The following PHF19 variants were observed in gnomAD, a reference collection of about 807,000 sequenced individuals.
PHF19 encodes PHD finger protein 19.
A neutral mutation model predicts 79.8 loss-of-function variants in PHF19; 21 were observed. The observed-to-expected ratio is 0.26, with a 90% confidence interval of 0.19 to 0.38. The LOEUF (loss-of-function observed/expected upper bound fraction) is 0.38, where lower values mean the gene tolerates loss of function less well. PHF19 is among the 10% of genes least tolerant of loss of function. PHF19 has a pLI of 1.00. For missense variants in PHF19, 445 were observed against 744.2 expected, an observed-to-expected ratio of 0.60 and a Z score of 4.68; for synonymous variants, 273 against 296.3, an observed-to-expected ratio of 0.92 and a Z score of 0.81.
upstream of PHF19, among the ~76,000 whole-genome samples, chr9:120,881,684 T>C (rs2046187559): frequency 6.6e-6 from 1 of 152,174 alleles, no homozygotes; most frequent in South Asian, 2.1e-4. Flanking sequence ...GTTTTGATGA[T>C]AGCATTGCTT....
Position 120,860,165 on chromosome 9 carries a change from A to G in PHF19, c.1325T>C (p.Phe442Ser). ...GTCGGTGGAGTCGACATCTGAGAAG[A>G]AGGTCTGGCCTGAGCTGGCACTGAG... The part of the protein sequence containing the change: ...SLKSASSGQT[F>S]FSDVDSTDAA... The change falls in exon 14 of 15, where the codon TTC becomes TCC. Residue 442 changes from phenylalanine (F) to serine (S), a missense_variant. Phe to Ser is a radical substitution (Grantham distance 155). Coordinates refer to ENST00000373896, the MANE Select transcript of PHF19 (RefSeq NM_015651.3). This position sits in a 1 kb window ranked among gnomAD's most constrained non-coding sequence, Gnocchi z 4.1. The G allele has an allele frequency of 6.3e-7, 1 of 1,594,410 alleles. No homozygotes were observed. Among genetic ancestry groups the G allele is most frequent in the African/African-American group, 1.3e-5 (1 of 74,698 alleles).
rs140114598 is a variant in PHF19 at position 120,859,902 on chromosome 9, A to G, written c.1400+188T>C. Among the ~76,000 whole-genome samples, 187 of 152,340 alleles carry G rather than the reference A, an allele frequency of 1.2e-3. 1 individual carries two copies. Among genetic ancestry groups the G allele is most frequent in the African/African-American group, 4.4e-3 (182 of 41,560 alleles). On this transcript the variant is annotated intron_variant, in intron 14 of 14. Coordinates refer to ENST00000373896, the MANE Select transcript of PHF19 (RefSeq NM_015651.3). ...GGCTGAATGCCTATACTTAGGTCCC[A>G]TCTAAAGCCCCGTGACTCAGAACCA...
At position 120,874,604 on chromosome 9, in the gene PHF19, C is replaced by A. The variant is rs1237599288; in HGVS notation, c.138G>T (p.Val46=). Residue 46 remains valine (V), a synonymous_variant, in exon 2 of 15, where the codon GTG becomes GTT. Transcript: ENST00000373896. This position sits in a 1 kb window ranked among gnomAD's most constrained non-coding sequence, Gnocchi z 4.5. The stretch of plus-strand genomic sequence containing the variant: ...ACAGGCCATCTGTCCACCGGCACAG[C>A]ACATACTGGCCCTCCGTCAGTTTGG... ...LMSKLTEGQY[V]LCRWTDGLYY... is the part of the protein sequence containing the mutation. 6.2e-7 allele frequency: 1 copy of A among 1,613,832 alleles called. No homozygotes were observed. Among genetic ancestry groups the A allele is most frequent in the Non-Finnish European group, 8.5e-7 (1 of 1,179,804 alleles).
chr9:120,896,942 CAGAGT>C (rs1459276034), upstream of PHF19, among the ~76,000 whole-genome samples: 3 of 152,214 alleles, frequency 2.0e-5, no homozygotes, highest in Non-Finnish European at 4.4e-5. Context: ...GGCATCTGCC[CAGAGT>C]GTAGTGGGCA....
At chr9:120,867,827 G>T (rs2045748766) in intron 6 of PHF19, among the ~76,000 whole-genome samples, 1 of 152,158 alleles carries the variant, frequency 6.6e-6, no homozygotes, top group Admixed American at 6.5e-5. Flanking sequence ...CCTGACGGCT[G>T]AACTTCCTGA....
Position 120,860,253 on chromosome 9 carries a change from A to C in PHF19, c.1305-68T>G. ...GCAAGTTCCTGCCAACCTGGCCCGC[A>C]GGTTCCCCTAACATGCATCCTTCAT... On this transcript the variant is annotated intron_variant, in intron 13 of 14. Transcript: ENST00000373896. This position sits in a 1 kb window ranked among gnomAD's most constrained non-coding sequence, Gnocchi z 4.1. 1 of 826,574 alleles carries C rather than the reference A, an allele frequency of 1.2e-6. No homozygotes were observed. Among genetic ancestry groups the C allele is most frequent in the Non-Finnish European group, 2.0e-6 (1 of 489,420 alleles). 51.2% of individuals were successfully genotyped at this position (826,574 alleles called of 1,614,324 possible). A position where few individuals can be genotyped will look rare whatever the true frequency, so the allele number is the denominator to read the frequency against.
the PHF19 span, among the ~76,000 whole-genome samples, chr9:120,900,578 CCT>C: frequency 4.6e-5 from 7 of 151,536 alleles, no homozygotes; most frequent in African/African-American, 1.7e-4. Context: ...CTTTTATTTT[CCT>C]TTTTTGGACA....
At chr9:120,868,623 A>T in intron 6 of PHF19, 1 of 184,550 alleles carries the variant, frequency 5.4e-6, no homozygotes, top group Non-Finnish European at 1.0e-5. Flanking sequence ...CCACAGTGCT[A>T]GATGCCACGC....
chr9:120,896,217 A>C (rs888759779), upstream of PHF19, among the ~76,000 whole-genome samples: 2 of 152,168 alleles, frequency 1.3e-5, no homozygotes, highest in African/African-American at 4.8e-5. Flanking sequence ...CTTGATAAAT[A>C]ATAACACTAG....
At chr9:120,859,767 A>G (rs1235881771) in intron 14 of PHF19, among the ~76,000 whole-genome samples, 1 of 152,234 alleles carries the variant, frequency 6.6e-6, no homozygotes, top group East Asian at 1.9e-4. Context: ...GTGGAGGCCA[A>G]AAGTGAAAGA....
Position 120,870,031 on chromosome 9 carries a change from C to A in PHF19, c.365-86G>T. The A allele has an allele frequency of 6.6e-7, 1 of 1,512,680 alleles. No individual in the cohort carries two copies. 93.7% of individuals were successfully genotyped at this position (1,512,680 alleles called of 1,614,324 possible). A position where few individuals can be genotyped will look rare whatever the true frequency, so the allele number is the denominator to read the frequency against. On this transcript the variant is annotated intron_variant, in intron 4 of 14. Coordinates refer to ENST00000373896, the MANE Select transcript of PHF19 (RefSeq NM_015651.3). This position sits in a 1 kb window ranked among gnomAD's most constrained non-coding sequence, Gnocchi z 4.4. ...CCCAAAGGAGGCAGGGCTGGGAGGG[C>A]TGAGGGAAGTCCTAGGAGCTCTGCC...
intron 1 of PHF19, among the ~76,000 whole-genome samples, chr9:120,884,602 T>G (rs571341152): frequency 6.6e-6 from 1 of 152,144 alleles, no homozygotes; most frequent in Non-Finnish European, 1.5e-5. Flanking sequence ...CCAGGTGATA[T>G]GGTGTATTCA....
upstream of PHF19, among the ~76,000 whole-genome samples, chr9:120,879,072 TTTA>T (rs1388615771): frequency 6.6e-6 from 1 of 151,670 alleles, no homozygotes; most frequent in African/African-American, 2.4e-5. Context: ...TTCTTTTTTT[TTTA>T]AACAATTCTT....
chr9:120,865,508 C>T (rs193114348), intron 9 of PHF19, among the ~76,000 whole-genome samples: 1 of 152,216 alleles, frequency 6.6e-6, no homozygotes, highest in Non-Finnish European at 1.5e-5. Context: ...CTCCCCTCCA[C>T]TGAACTGGGG....
chr9:120,877,464 G>T (rs1362016899), upstream of PHF19: 1 of 603,560 alleles, frequency 1.7e-6, no homozygotes, highest in Non-Finnish European at 2.1e-6. Flanking sequence ...CCGCGGGCGC[G>T]CATCCTCCGC....
At chr9:120,865,647 C>T (rs940191161) in intron 9 of PHF19, 63 bp downstream of exon 9, 24 of 1,596,320 alleles carry the variant, frequency 1.5e-5, no homozygotes, top group Non-Finnish European at 1.9e-5. Flanking sequence ...CCTAGTCCTG[C>T]ACTGCGTGGC....
chr9:120,898,179 C>T (rs1047844574), upstream of PHF19, among the ~76,000 whole-genome samples: 5 of 152,154 alleles, frequency 3.3e-5, no homozygotes, highest in South Asian at 4.1e-4. Context: ...TGCAATGGCA[C>T]GATCTCAGTT....
chr9:120,872,949 T>C (rs897223628), intron 3 of PHF19, among the ~76,000 whole-genome samples: 3 of 152,174 alleles, frequency 2.0e-5, no homozygotes, highest in Admixed American at 6.5e-5. Flanking sequence ...TAACAGCTTC[T>C]CTAAAACCAA....
chr9:120,896,521 G>A (rs1368750469), upstream of PHF19, among the ~76,000 whole-genome samples: 2 of 138,954 alleles, frequency 1.4e-5, no homozygotes, highest in African/African-American at 2.7e-5. Context: ...GCGCGATCTC[G>A]ACTCACTGCA....
Sources: gnomAD v4.1 joint callset for allele counts (sites outside exome capture counted in the v4.1 genomes callset) on GRCh38, gnomAD v4.1.1 for gene constraint, Gnocchi (gnomAD v3.1) non-coding constraint, MANE v1.5 for transcripts, NCBI Gene and HGNC (gene_info 2026-07-23, HGNC 2026-07-21) for gene names.